PRLR: variants seen among roughly 807,000 people sequenced by gnomAD.
The protein encoded by PRLR is hPRL receptor.
In PRLR, 13 loss-of-function variants were observed where a neutral mutation model predicts 40.2. The ratio of observed to expected loss-of-function variants is 0.32; its 90% CI spans 0.21 to 0.51. The LOEUF is 0.51. PRLR is among the 20% of genes least tolerant of loss of function. The pLI, the probability that PRLR is intolerant of heterozygous loss-of-function variation, is 0.97. For missense variants in PRLR, 656 were observed against 747.3 expected (o/e 0.88, Z 1.42); for synonymous variants, 269 against 278.7 (o/e 0.97, Z 0.35).
In PRLR at chr5:35,110,768, C is replaced by G. The variant is rs1289723354; in HGVS notation, c.-44+7293G>C. Among the ~76,000 whole-genome samples the G allele has an allele frequency of 3.9e-5, 6 of 152,134 alleles. No homozygotes were observed. The South Asian group carries it at 8.3e-4, about 21-fold the overall frequency. On this transcript the variant is annotated intron_variant, in intron 2 of 9. Coordinates refer to ENST00000618457, the MANE Select transcript of PRLR (RefSeq NM_000949.7). ...GTCTTTCTATGCAGGAATATAGCTGCCAGGAAAATGTGATTTCTCCATACT... is the reference window on the plus strand; with the variant it reads ...GTCTTTCTATGCAGGAATATAGCTGGCAGGAAAATGTGATTTCTCCATACT...
chr5:35,139,291 C>A (rs1366289337), intron 1 of PRLR, among the ~76,000 whole-genome samples: 1 of 152,066 alleles, frequency 6.6e-6, no homozygotes, highest in Non-Finnish European at 1.5e-5. Context: ...TGCGCCACCA[C>A]ACCCAGCTAA....
At chr5:35,178,430 A>C (rs993669936) in intron 1 of PRLR, among the ~76,000 whole-genome samples, 2 of 152,232 alleles carry the variant, frequency 1.3e-5, no homozygotes, top group East Asian at 3.8e-4. Flanking sequence ...GCTTGTAATC[A>C]GAATACACAC....
At chr5:35,073,114 A>G (rs1437534608) in intron 5 of PRLR, among the ~76,000 whole-genome samples, 3 of 152,166 alleles carry the variant, frequency 2.0e-5, no homozygotes, top group Non-Finnish European at 2.9e-5. Flanking sequence ...AGGGAAAGAG[A>G]TTTCAAACAG....
chr5:35,177,916 A>G (rs1055834419), intron 1 of PRLR, among the ~76,000 whole-genome samples: 2 of 151,730 alleles, frequency 1.3e-5, no homozygotes, highest in South Asian at 4.2e-4. Context: ...TTCATTTCGC[A>G]TGTCTACCAA....
intron 5 of PRLR, among the ~76,000 whole-genome samples, chr5:35,074,897 G>A (rs1579583343): frequency 6.6e-6 from 1 of 152,022 alleles, no homozygotes; most frequent in South Asian, 2.1e-4. Flanking sequence ...GTGCTGGCTT[G>A]CCTCATCCCA....
intron 1 of PRLR, among the ~76,000 whole-genome samples, chr5:35,190,661 T>C (rs1775577490): frequency 6.6e-6 from 1 of 152,200 alleles, no homozygotes; most frequent in Non-Finnish European, 1.5e-5. Flanking sequence ...CAGTTGCTTT[T>C]TCGTTGAAAC....
chr5:35,154,460 G>A (rs980886195), intron 1 of PRLR, among the ~76,000 whole-genome samples: 2 of 152,044 alleles, frequency 1.3e-5, no homozygotes, highest in African/African-American at 4.8e-5. Flanking sequence ...AGGATCTGAG[G>A]TCAAGTCCTT....
At position 35,056,153 on chromosome 5, in the gene PRLR, A is replaced by G. The variant is rs1030971124; in HGVS notation, c.*8936T>C. The G allele has an allele frequency of 6.6e-6, 1 of 152,180 alleles. No individual in the cohort carries two copies. Among genetic ancestry groups the G allele is most frequent in the Admixed American group, 6.5e-5 (1 of 15,274 alleles). The allele number at this position is 152,180 out of a possible 1,614,324, so 9.4% of individuals were successfully genotyped here. A position where few individuals can be genotyped will look rare whatever the true frequency, so the allele number is the denominator to read the frequency against. Reference sequence around the variant, plus strand: ...TTTTTAATGTGAACCTGATGATAACAAGAGAAAAATGCTTAACATTAGCAG... The same window carrying G: ...TTTTTAATGTGAACCTGATGATAACGAGAGAAAAATGCTTAACATTAGCAG... On this transcript the variant is annotated 3_prime_UTR_variant, in exon 10 of 10. Coordinates refer to ENST00000618457, the MANE Select transcript of PRLR (RefSeq NM_000949.7).
At chr5:35,215,948 G>A (rs1208396869) in intron 1 of PRLR, among the ~76,000 whole-genome samples, 1 of 150,698 alleles carries the variant, frequency 6.6e-6, no homozygotes, top group Non-Finnish European at 1.5e-5. Flanking sequence ...TGAGGCAAGA[G>A]AATCGCTTGA....
chr5:35,112,856 C>T (rs1044404818), intron 2 of PRLR, among the ~76,000 whole-genome samples: 1 of 152,136 alleles, frequency 6.6e-6, no homozygotes, highest in African/African-American at 2.4e-5. Context: ...ATTCAGCTTC[C>T]CTCAGGAGCC....
intron 1 of PRLR, among the ~76,000 whole-genome samples, chr5:35,148,168 A>T (rs1485875973): frequency 6.6e-6 from 1 of 152,154 alleles, no homozygotes; most frequent in Non-Finnish European, 1.5e-5. Flanking sequence ...GTCTTTTAAA[A>T]AAATTGCAGT....
At chr5:35,175,170 C>T (rs191412939) in intron 1 of PRLR, among the ~76,000 whole-genome samples, 57 of 152,206 alleles carry the variant, frequency 3.7e-4, no homozygotes, top group Non-Finnish European at 2.8e-4. Context: ...ATAATGCGCA[C>T]GTGTTGTGGG....
intron 1 of PRLR, among the ~76,000 whole-genome samples, chr5:35,132,921 C>T (rs1773732803): frequency 6.6e-6 from 1 of 152,158 alleles, no homozygotes; most frequent in Non-Finnish European, 1.5e-5. Flanking sequence ...ACCCAGTACA[C>T]TTGGTATTGA....
In PRLR at chr5:35,064,287, T is replaced by G. The variant is rs1769213281; in HGVS notation, c.*802A>C. On this transcript the variant is annotated 3_prime_UTR_variant, in exon 10 of 10. Coordinates refer to ENST00000618457, the MANE Select transcript of PRLR (RefSeq NM_000949.7). ...CTGTGGTTTTCTTTTCAAGTTAGTC[T>G]TTAGGGAATTTTTTTTTAACTAAGG... 1 of 152,208 alleles carries G rather than the reference T, an allele frequency of 6.6e-6. No individual in the cohort carries two copies. Among genetic ancestry groups the G allele is most frequent in the African/African-American group, 2.4e-5 (1 of 41,450 alleles). 9.4% of individuals were successfully genotyped at this position (152,208 alleles called of 1,614,324 possible). A position where few individuals can be genotyped will look rare whatever the true frequency, so the allele number is the denominator to read the frequency against.
intron 1 of PRLR, among the ~76,000 whole-genome samples, chr5:35,149,423 AT>A (rs904073679): frequency 1.3e-5 from 2 of 152,170 alleles, no homozygotes; most frequent in Non-Finnish European, 2.9e-5. Flanking sequence ...TATTAATAAA[AT>A]TGTGCTCCAT....
At chr5:35,193,699 A>G (rs979253952) in intron 1 of PRLR, among the ~76,000 whole-genome samples, 22 of 152,078 alleles carry the variant, frequency 1.4e-4, no homozygotes, top group Non-Finnish European at 5.9e-5. Flanking sequence ...AGCTACTGCT[A>G]TTGTTGCACA....
At chr5:35,085,681 G>A (rs916832228) in intron 4 of PRLR, among the ~76,000 whole-genome samples, 4 of 152,152 alleles carry the variant, frequency 2.6e-5, no homozygotes, top group Admixed American at 1.3e-4. Context: ...CACTTCACAC[G>A]ATCCTACTTA....
chr5:35,106,799 C>G (rs1003456154), intron 2 of PRLR, among the ~76,000 whole-genome samples: 2 of 152,148 alleles, frequency 1.3e-5, no homozygotes, highest in Admixed American at 1.3e-4. Context: ...ACCCCATTGT[C>G]AACATTAGAC....
At chr5:35,096,845 C>T (rs1771562049) in intron 2 of PRLR, among the ~76,000 whole-genome samples, 1 of 152,100 alleles carries the variant, frequency 6.6e-6, no homozygotes, top group African/African-American at 2.4e-5. Flanking sequence ...GTCTTGAACT[C>T]CTGGTCTCAA....
Sources: gnomAD v4.1 joint callset for allele counts (sites outside exome capture counted in the v4.1 genomes callset) on GRCh38, gnomAD v4.1.1 for gene constraint, MANE v1.5 for transcripts, NCBI Gene and HGNC (gene_info 2026-07-23, HGNC 2026-07-21) for gene names.